Variants in GAB2 observed in about 807,000 individuals in gnomAD.
GAB2 encodes GRB2-associated-binding protein 2.
GAB2 carries 26 observed loss-of-function variants against 65.5 expected under a neutral mutation model. The observed-to-expected ratio is 0.40, with a 90% CI of 0.29 to 0.55. The LOEUF (loss-of-function observed/expected upper bound fraction) is 0.55, where lower values mean the gene tolerates loss of function less well. Among genes scored for constraint, GAB2 ranks in the 20% least tolerant of loss-of-function variants. The probability of loss-of-function intolerance (pLI) is 0.53; values close to 1 mark genes in which losing one functional copy is unlikely to be tolerated. For synonymous variants in GAB2, 321 were observed against 329.6 expected (o/e 0.97, Z 0.28); for missense variants, 884 against 875.8 (o/e 1.01, Z -0.12).
chr11:78,301,763 G>T (rs1264796031), intron 1 of GAB2, among the ~76,000 whole-genome samples: 2 of 152,108 alleles, frequency 1.3e-5, no homozygotes, highest in Non-Finnish European at 2.9e-5. Flanking sequence ...GAACAAATCT[G>T]GAGGCATCAC....
intron 1 of GAB2, among the ~76,000 whole-genome samples, chr11:78,359,560 C>T (rs1856405447): frequency 6.6e-6 from 1 of 152,090 alleles, no homozygotes; most frequent in Non-Finnish European, 1.5e-5. Flanking sequence ...AAAGGCAATT[C>T]TAAAGGATAT....
At chr11:78,348,278 TTCAAGGA>T (rs1321039012) in intron 1 of GAB2, among the ~76,000 whole-genome samples, 1 of 152,190 alleles carries the variant, frequency 6.6e-6, no homozygotes, top group African/African-American at 2.4e-5. Flanking sequence ...GCCCATTTTG[TTCAAGGA>T]TCAGTTGTAT....
At chr11:78,372,544 C>T (rs866272394) in intron 1 of GAB2, among the ~76,000 whole-genome samples, 3 of 152,128 alleles carry the variant, frequency 2.0e-5, no homozygotes, top group African/African-American at 7.2e-5. Flanking sequence ...CCTGATTTAT[C>T]AGCTACTTGC....
chr11:78,260,505 CTT>C (rs1865700299), intron 2 of GAB2, among the ~76,000 whole-genome samples: 1 of 148,964 alleles, frequency 6.7e-6, no homozygotes, highest in South Asian at 2.1e-4. Context: ...GAGTCTTGCT[CTT>C]GTCTCCCAGG....
At chr11:78,256,044 C>T (rs974327740) in intron 2 of GAB2, among the ~76,000 whole-genome samples, 5 of 152,058 alleles carry the variant, frequency 3.3e-5, no homozygotes, top group African/African-American at 1.2e-4. Flanking sequence ...GGATAACTTG[C>T]CCTGCAGTTT....
chr11:78,258,604 T>TG (rs1184013153), intron 2 of GAB2, among the ~76,000 whole-genome samples: 1 of 135,526 alleles, frequency 7.4e-6, no homozygotes, highest in Non-Finnish European at 1.5e-5. Flanking sequence ...TTTAATTTTC[T>TG]GTTTTTTTTT....
At chr11:78,362,328 T>C (rs968769515) in intron 1 of GAB2, among the ~76,000 whole-genome samples, 1 of 152,182 alleles carries the variant, frequency 6.6e-6, no homozygotes, top group African/African-American at 2.4e-5. Flanking sequence ...TTAAGCCATG[T>C]GCATGTATTA....
intron 1 of GAB2, among the ~76,000 whole-genome samples, chr11:78,339,501 A>G (rs987913110): frequency 2.0e-5 from 3 of 152,176 alleles, no homozygotes; most frequent in African/African-American, 7.2e-5. Flanking sequence ...CCTACAATAC[A>G]ACAAATTGGA....
At chr11:78,293,266 G>A (rs1221353631) in intron 1 of GAB2, among the ~76,000 whole-genome samples, 1 of 152,136 alleles carries the variant, frequency 6.6e-6, no homozygotes, top group Non-Finnish European at 1.5e-5. Flanking sequence ...GAACTTATTT[G>A]CTCCTCGGGC....
intron 2 of GAB2, among the ~76,000 whole-genome samples, chr11:78,251,778 G>A (rs995932413): frequency 6.6e-6 from 1 of 152,184 alleles, no homozygotes; most frequent in Non-Finnish European, 1.5e-5. Flanking sequence ...CTTGGCCCAT[G>A]CTCCCATTAT....
chr11:78,362,608 G>C (rs796389796), intron 1 of GAB2, among the ~76,000 whole-genome samples: 2 of 152,158 alleles, frequency 1.3e-5, no homozygotes, highest in African/African-American at 4.8e-5. Context: ...CCATTTAAAA[G>C]ATAAAGCCTG....
chr11:78,364,246 C>T (rs1343134338), intron 1 of GAB2: 2 of 152,214 alleles, frequency 1.3e-5, no homozygotes, highest in Non-Finnish European at 2.9e-5. Flanking sequence ...CTCAAGCTAT[C>T]CTCCCACCTC....
In GAB2 at chr11:78,216,118, G is replaced by GGATGGGAC. The variant is rs1864132070; in HGVS notation, c.*3146_*3153dup. The stretch of plus-strand genomic sequence containing the variant: ...CTTCAAGCAGCTGAGCACCAGCTGT[G>GGATGGGAC]GATGGGACCTCAGCGCAGCTAATCC... On this transcript the variant is annotated 3_prime_UTR_variant, in exon 10 of 10. Transcript: ENST00000361507. 6.6e-6 allele frequency: 1 copy of GGATGGGAC among 152,660 alleles called. No homozygotes were observed. Among genetic ancestry groups the GGATGGGAC allele is most frequent in the Non-Finnish European group, 1.5e-5 (1 of 68,060 alleles). 9.5% of individuals were successfully genotyped at this position (152,660 alleles called of 1,614,324 possible). A position where few individuals can be genotyped will look rare whatever the true frequency, so the allele number is the denominator to read the frequency against.
chr11:78,400,408 C>G (rs1027522500), intron 1 of GAB2, among the ~76,000 whole-genome samples: 2 of 152,136 alleles, frequency 1.3e-5, no homozygotes, highest in Non-Finnish European at 2.9e-5. Flanking sequence ...CTGCAAATGC[C>G]TTGAAGGCAG....
Position 78,354,949 on chromosome 11 carries a change from TGAGGA to T in GAB2, c.75+62692_75+62696del, listed in dbSNP as rs1465926850. Among the ~76,000 whole-genome samples, 6 of 152,338 alleles carry T rather than the reference TGAGGA, an allele frequency of 3.9e-5. No individual in the cohort carries two copies. The South Asian group carries it at 1.2e-3, about 32-fold the overall frequency. On this transcript the variant is annotated intron_variant, in intron 1 of 9. Coordinates refer to ENST00000361507, the MANE Select transcript of GAB2 (RefSeq NM_080491.3). ...TGAAACAGCCTGGCGGCTCCCCAGTTGAGGAGAGAAGAAAAGGACTCCACTTTCAC... is the reference window on the plus strand; with the variant it reads ...TGAAACAGCCTGGCGGCTCCCCAGTTGAGAAGAAAAGGACTCCACTTTCAC...
chr11:78,226,414 C>T (rs371042040), intron 4 of GAB2, 51 bp downstream of exon 4: 1 of 1,399,194 alleles, frequency 7.1e-7, no homozygotes, highest in Admixed American at 1.7e-5. Flanking sequence ...TATTGAGAAC[C>T]CCTGTGTTAC....
intron 1 of GAB2, among the ~76,000 whole-genome samples, chr11:78,407,937 T>G (rs1156826862): frequency 1.3e-5 from 2 of 152,042 alleles, no homozygotes; most frequent in African/African-American, 4.8e-5. Context: ...ACTAAATAAT[T>G]CAATATCCAG....
At chr11:78,253,448 C>A (rs912145006) in intron 2 of GAB2, among the ~76,000 whole-genome samples, 1 of 152,132 alleles carries the variant, frequency 6.6e-6, no homozygotes, top group African/African-American at 2.4e-5. Context: ...TGCACCACCA[C>A]GCCAGGCCAA....
chr11:78,290,257 T>C (rs774700253), intron 1 of GAB2, among the ~76,000 whole-genome samples: 2 of 152,184 alleles, frequency 1.3e-5, no homozygotes, highest in Non-Finnish European at 2.9e-5. Flanking sequence ...TAAAGAAGTA[T>C]ATGGATAGGG....
Sources: allele counts gnomAD v4.1 joint callset (sites outside exome capture counted in the v4.1 genomes callset), GRCh38; gene constraint gnomAD v4.1.1; transcripts MANE v1.5; gene names NCBI Gene and HGNC (gene_info 2026-07-23, HGNC 2026-07-21).